RAB11FIP2: variants seen among roughly 807,000 people sequenced by gnomAD.
RAB11FIP2 encodes the protein rab11 family-interacting protein 2.
A neutral mutation model predicts 40.9 loss-of-function variants in RAB11FIP2; 16 were observed. The ratio of observed to expected loss-of-function variants is 0.39; its 90% CI spans 0.26 to 0.59. The LOEUF is 0.59. RAB11FIP2 is among the 20% of genes least tolerant of loss of function. The pLI is 0.53. For synonymous variants in RAB11FIP2, 228 were observed against 213.7 expected (o/e 1.07, Z -0.58); for missense variants, 532 against 606.2 (o/e 0.88, Z 1.28).
intron 3 of RAB11FIP2, among the ~76,000 whole-genome samples, chr10:118,033,346 A>G (rs1194746568): frequency 1.3e-5 from 2 of 152,170 alleles, no homozygotes; most frequent in Non-Finnish European, 2.9e-5. Context: ...CTTGATGATC[A>G]GCACTGAGGT....
chr10:118,015,521 A>G (rs909831658), intron 3 of RAB11FIP2, among the ~76,000 whole-genome samples: 3 of 152,218 alleles, frequency 2.0e-5, no homozygotes, highest in African/African-American at 4.8e-5. Flanking sequence ...ATTATAGAAT[A>G]AAAGAGTTAA....
intron 3 of RAB11FIP2, 34 bp from the exon 4 acceptor site, chr10:118,015,144 T>A (rs1186022462): frequency 2.6e-6 from 4 of 1,561,592 alleles, no homozygotes; most frequent in Non-Finnish European, 3.5e-6. Context: ...AAAAGTGTCA[T>A]AACTCATGTG....
intron 3 of RAB11FIP2, among the ~76,000 whole-genome samples, chr10:118,022,599 G>A (rs1420537101): frequency 1.3e-5 from 2 of 152,074 alleles, no homozygotes; most frequent in Non-Finnish European, 2.9e-5. Flanking sequence ...ATTAAAAGAG[G>A]GTTAAAAGAA....
At position 118,045,958 on chromosome 10, in the gene RAB11FIP2, G is replaced by A; in HGVS notation, c.206C>T (p.Pro69Leu). Reference sequence around the variant, plus strand: ...TGGACTTCCCTGAATTAGCAATCCAGGTAGCTCGAAAGAGGCCTCCTCCTT... The same window carrying A: ...TGGACTTCCCTGAATTAGCAATCCAAGTAGCTCGAAAGAGGCCTCCTCCTT... The part of the protein sequence containing the change: ...VWKEEASFEL[P>L]GLLIQGSPEK... Residue 69 changes from proline to leucine, a missense_variant, in exon 1 of 5, where the codon CCT becomes CTT. Pro to Leu is a moderately conservative substitution (Grantham distance 98). Transcript: ENST00000355624. 6.2e-7 allele frequency: 1 copy of A among 1,614,202 alleles called. No individual in the cohort carries two copies. Among genetic ancestry groups the A allele is most frequent in the Non-Finnish European group, 8.5e-7 (1 of 1,180,038 alleles).
At chr10:118,044,314 A>C (rs1589649830) in intron 1 of RAB11FIP2, among the ~76,000 whole-genome samples, 2 of 152,306 alleles carry the variant, frequency 1.3e-5, no homozygotes, top group South Asian at 4.1e-4. Flanking sequence ...TGAAGTGAGG[A>C]ATTTGAAGGT....
chr10:118,007,319 AT>A lies in RAB11FIP2; in HGVS notation c.*1678del, dbSNP rs1291585726. The stretch of plus-strand genomic sequence containing the variant: ...AAAGCATTTAATTTTTATGAAAAAA[AT>A]GTTCATAATTTCAAAATGTATGTTC... On this transcript the variant is annotated 3_prime_UTR_variant, in exon 5 of 5. Coordinates refer to ENST00000355624, the MANE Select transcript of RAB11FIP2 (RefSeq NM_014904.3). 4 of 151,862 alleles carry A rather than the reference AT, an allele frequency of 2.6e-5. No individual in the cohort carries two copies. Among genetic ancestry groups the A allele is most frequent in the Non-Finnish European group, 4.4e-5 (3 of 67,868 alleles). The allele number at this position is 151,862 out of a possible 1,614,324, so 9.4% of individuals were successfully genotyped here.
chr10:118,030,535 C>T (rs979956542), intron 3 of RAB11FIP2, among the ~76,000 whole-genome samples: 6 of 152,078 alleles, frequency 3.9e-5, no homozygotes, highest in Non-Finnish European at 8.8e-5. Context: ...TAAAGAGGTC[C>T]TAACAACACA....
intron 3 of RAB11FIP2, among the ~76,000 whole-genome samples, chr10:118,016,885 G>A (rs1846226542): frequency 6.6e-6 from 1 of 152,142 alleles, no homozygotes; most frequent in Non-Finnish European, 1.5e-5. Context: ...GATTCAATGA[G>A]TTAACTACAT....
intron 1 of RAB11FIP2, among the ~76,000 whole-genome samples, chr10:118,044,458 G>A (rs555565266): frequency 4.5e-4 from 68 of 152,166 alleles, no homozygotes; most frequent in African/African-American, 1.6e-3. Context: ...TCCCTCGGAG[G>A]AAACTGAATG....
At chr10:118,018,979 A>G (rs1404569185) in intron 3 of RAB11FIP2, among the ~76,000 whole-genome samples, 1 of 151,846 alleles carries the variant, frequency 6.6e-6, no homozygotes, top group Non-Finnish European at 1.5e-5. Context: ...CCTAAGGAGG[A>G]GAAACTATTC....
In RAB11FIP2 at chr10:118,046,207, GC is replaced by G; in HGVS notation, c.-45del. ...CCCCGAGTTCCCTAGCACAGGCAGT[GC>G]CCCTCCCGGAGGGAGAGCCTAATTC... On this transcript the variant is annotated 5_prime_UTR_variant, in exon 1 of 5. Transcript: ENST00000355624. 6.5e-7 allele frequency: 1 copy of G among 1,528,860 alleles called. No homozygotes were observed. Among genetic ancestry groups the G allele is most frequent in the Non-Finnish European group, 9.0e-7 (1 of 1,112,410 alleles). The allele number at this position is 1,528,860 out of a possible 1,614,324, so 94.7% of individuals were successfully genotyped here.
chr10:118,040,726 T>A (rs1347425878), intron 1 of RAB11FIP2, among the ~76,000 whole-genome samples, 161 bp from the exon 2 acceptor site: 2 of 151,894 alleles, frequency 1.3e-5, no homozygotes, highest in Non-Finnish European at 2.9e-5. Flanking sequence ...CTTTACTTAT[T>A]ATTTAGTTTA....
At chr10:118,010,427 C>A (rs1183442135) in intron 4 of RAB11FIP2, among the ~76,000 whole-genome samples, 3 of 151,934 alleles carry the variant, frequency 2.0e-5, no homozygotes, top group Non-Finnish European at 4.4e-5. Context: ...GCAGAATGAC[C>A]CCCACCCCCA....
chr10:118,036,415 T>C (rs529622198), intron 3 of RAB11FIP2, among the ~76,000 whole-genome samples: 1 of 152,170 alleles, frequency 6.6e-6, no homozygotes, highest in African/African-American at 2.4e-5. Flanking sequence ...ATGTGAGAAA[T>C]TTAAAATGTC....
In RAB11FIP2 at chr10:118,008,149, GTTAA is replaced by G. The variant is rs965244316; in HGVS notation, c.*845_*848del. On this transcript the variant is annotated 3_prime_UTR_variant, in exon 5 of 5. Coordinates refer to ENST00000355624, the MANE Select transcript of RAB11FIP2 (RefSeq NM_014904.3). ...GCTTATACCTTAAACAAACTCAAAT[GTTAA>G]TTAATTCAAATAAATTCATGCTGTT... is the stretch of plus-strand genomic sequence containing the variant. 6 of 152,220 alleles carry G rather than the reference GTTAA, an allele frequency of 3.9e-5. No homozygotes were observed. The highest frequency in any genetic ancestry group is 7.4e-5 in the Non-Finnish European group (5 of 68,002). 9.4% of individuals were successfully genotyped at this position (152,220 alleles called of 1,614,324 possible).
At chr10:118,042,707 T>C (rs1276229173) in intron 1 of RAB11FIP2, among the ~76,000 whole-genome samples, 1 of 152,228 alleles carries the variant, frequency 6.6e-6, no homozygotes, top group Admixed American at 6.5e-5. Context: ...ACTGTGTGTG[T>C]GTGTGTATGT....
chr10:118,043,732 G>C (rs1214291989), intron 1 of RAB11FIP2, among the ~76,000 whole-genome samples: 1 of 152,120 alleles, frequency 6.6e-6, no homozygotes, highest in Non-Finnish European at 1.5e-5. Flanking sequence ...CTCATCACTC[G>C]AAACAGTTTT....
At chr10:118,026,416 A>G (rs909073124) in intron 3 of RAB11FIP2, among the ~76,000 whole-genome samples, 7 of 152,192 alleles carry the variant, frequency 4.6e-5, no homozygotes, top group African/African-American at 1.7e-4. Context: ...ACTAGAGTAG[A>G]ATTTTATACT....
intron 3 of RAB11FIP2, among the ~76,000 whole-genome samples, chr10:118,033,562 T>C (rs914770759): frequency 3.3e-5 from 5 of 152,024 alleles, no homozygotes; most frequent in Admixed American, 6.6e-5. Flanking sequence ...CACCCCACAA[T>C]TGAGCCCGGG....
Sources: allele counts gnomAD v4.1 joint callset (sites outside exome capture counted in the v4.1 genomes callset), GRCh38; gene constraint gnomAD v4.1.1; transcripts MANE v1.5; gene names NCBI Gene and HGNC (gene_info 2026-07-23, HGNC 2026-07-21).